The following MYH11 variants were observed in gnomAD, a reference collection of about 807,000 sequenced individuals.
MYH11 encodes myosin-11.
MYH11 carries 80 observed loss-of-function variants against 246.6 expected under a neutral mutation model. The observed-to-expected ratio is 0.32, with a 90% CI of 0.27 to 0.39. MYH11 has a LOEUF of 0.39. Ranked by LOEUF, MYH11 falls within the 10% of genes least tolerant of loss-of-function variation. The pLI, the probability that MYH11 is intolerant of heterozygous loss-of-function variation, is 1.00. For synonymous variants in MYH11, 1,071 were observed against 1,015.5 expected, an observed-to-expected ratio of 1.05 and a Z score of -1.04; for missense variants, 2,158 against 2,546.8, an observed-to-expected ratio of 0.85 and a Z score of 3.29.
At position 15,760,568 on chromosome 16, in the gene MYH11, A is replaced by G. The variant is rs886038993; in HGVS notation, c.1220T>C (p.Val407Ala). Residue 407 changes from valine to alanine, a missense_variant, in exon 11 of 41, where the codon GTG becomes GCG. By Grantham distance (64) the Val-to-Ala change is moderately conservative. Coordinates refer to ENST00000300036, the MANE Select transcript of MYH11 (RefSeq NM_002474.3). Reference sequence around the variant, plus strand: ...TTCTTTTGTCTGAGCTTTCTGTACCACATCTCGCCCAACCTTGATACGAGG... The same window carrying G: ...TTCTTTTGTCTGAGCTTTCTGTACCGCATCTCGCCCAACCTTGATACGAGG... Reference protein sequence around the residue: ...LTPRIKVGRDVVQKAQTKEQA... With the variant: ...LTPRIKVGRDAVQKAQTKEQA... 7.4e-6 allele frequency: 12 copies of G among 1,613,870 alleles called. No homozygotes were observed. Among genetic ancestry groups the G allele is most frequent in the African/African-American group, 1.3e-5 (1 of 75,064 alleles).
At chr16:15,708,676 C>G (rs1260059971) in intron 40 of MYH11, 1 of 983,986 alleles carries the variant, frequency 1.0e-6, no homozygotes, top group African/African-American at 1.6e-5. Flanking sequence ...TCCAAGCCTC[C>G]AGATTTTGCA....
At chr16:15,724,059 A>G (rs982918155) in intron 31 of MYH11, 102 bp downstream of exon 31, 31 of 1,579,112 alleles carry the variant, frequency 2.0e-5, no homozygotes, top group African/African-American at 1.1e-4. Context: ...CAGAGTGGAG[A>G]GGGGATGCAG....
intron 4 of MYH11, among the ~76,000 whole-genome samples, chr16:15,793,988 G>C (rs2042683045): frequency 7.7e-6 from 1 of 129,274 alleles, no homozygotes; most frequent in Middle Eastern, 5.2e-3. Context: ...CTGTCACCCA[G>C]GCTGGAGTGC....
chr16:15,800,147 G>A (rs959566735), intron 3 of MYH11, among the ~76,000 whole-genome samples: 4 of 151,800 alleles, frequency 2.6e-5, no homozygotes, highest in Non-Finnish European at 5.9e-5. Flanking sequence ...TGAGTAGATG[G>A]ATGGGAGGAT....
intron 27 of MYH11, among the ~76,000 whole-genome samples, chr16:15,732,194 C>G (rs574510822): frequency 7.2e-5 from 11 of 152,182 alleles, no homozygotes; most frequent in Admixed American, 3.3e-4. Flanking sequence ...AACTCCTGAC[C>G]TCAGGTGATC....
Position 15,716,410 on chromosome 16 carries a change from A to G in MYH11, c.5504+730T>C, listed in dbSNP as rs145760336. Among the ~76,000 whole-genome samples, 659 of 152,334 alleles carry G rather than the reference A, an allele frequency of 4.3e-3. 1 individual carries two copies. The highest frequency in any genetic ancestry group is 0.013 in the African/African-American group (558 of 41,578). ...AATGGGTGAGAATCCTTAGAATCCAATGGTAAGAAATGTGCTGTGATCATA... is the reference window on the plus strand; with the variant it reads ...AATGGGTGAGAATCCTTAGAATCCAGTGGTAAGAAATGTGCTGTGATCATA... On this transcript the variant is annotated intron_variant, in intron 38 of 40. Coordinates refer to ENST00000300036, the MANE Select transcript of MYH11 (RefSeq NM_002474.3).
chr16:15,795,172 A>T (rs2042714573), intron 4 of MYH11, among the ~76,000 whole-genome samples: 1 of 152,076 alleles, frequency 6.6e-6, no homozygotes, highest in African/African-American at 2.4e-5. Context: ...GCTGGGCATG[A>T]TGGCATAATA....
intron 1 of MYH11, among the ~76,000 whole-genome samples, chr16:15,845,726 A>G (rs1418345668): frequency 7.0e-6 from 1 of 142,600 alleles, no homozygotes; most frequent in Non-Finnish European, 1.6e-5. Context: ...GAGAGAGAAA[A>G]AGAAGGAGAG....
rs531846632 is a variant in MYH11 at position 15,719,491 on chromosome 16, C to A, written c.5082+94G>T. The A allele has an allele frequency of 1.4e-5, 22 of 1,589,154 alleles. No individual in the cohort carries two copies. In the South Asian group the frequency reaches 2.3e-4, roughly 17 times the overall value. On this transcript the variant is annotated intron_variant, in intron 35 of 40. Transcript: ENST00000300036. The stretch of plus-strand genomic sequence containing the variant: ...TAGACAGGTGGACCCCAGAGGAGGA[C>A]GAAATGAAATCTGGGAATGCACAGA...
intron 22 of MYH11, 37 bp from the exon 23 acceptor site, chr16:15,740,225 A>G: frequency 6.2e-7 from 1 of 1,613,732 alleles, no homozygotes; most frequent in South Asian, 1.1e-5. Flanking sequence ...AGCTTTGGTT[A>G]TAACAGATTT....
chr16:15,707,711 C>T (rs1051261625), intron 40 of MYH11, among the ~76,000 whole-genome samples: 6 of 152,176 alleles, frequency 3.9e-5, no homozygotes, highest in African/African-American at 1.4e-4. Flanking sequence ...GTTGGTCATG[C>T]TTGTAATCCC....
chr16:15,712,882 G>GTTTTTTTTTTTTTTTTTTTTTTTGTTTT, intron 40 of MYH11: 1 of 90,636 alleles, frequency 1.1e-5, no homozygotes, highest in Non-Finnish European at 2.3e-5. Context: ...TTCACATACA[G>GTTTTTTTTTTTTTTTTTTTTTTTGTTTT]TTTTTTTTTT....
At chr16:15,841,360 A>C (rs1407152534) in intron 1 of MYH11, among the ~76,000 whole-genome samples, 1 of 152,154 alleles carries the variant, frequency 6.6e-6, no homozygotes, top group African/African-American at 2.4e-5. Flanking sequence ...CTGGTCTCAA[A>C]CTCCTGACCT....
intron 10 of MYH11, among the ~76,000 whole-genome samples, chr16:15,762,540 C>G (rs547315122): frequency 6.6e-6 from 1 of 152,200 alleles, no homozygotes; most frequent in East Asian, 1.9e-4. Context: ...CCACCCAGAT[C>G]GAGAAACTGG....
At chr16:15,844,024 G>T (rs1445685910) in intron 1 of MYH11, among the ~76,000 whole-genome samples, 1 of 152,090 alleles carries the variant, frequency 6.6e-6, no homozygotes, top group Non-Finnish European at 1.5e-5. Flanking sequence ...GAGCTGACTA[G>T]ACATTATAAA....
chr16:15,710,380 G>A (rs933651587), intron 40 of MYH11, among the ~76,000 whole-genome samples: 7 of 152,166 alleles, frequency 4.6e-5, no homozygotes, highest in Non-Finnish European at 7.3e-5. Context: ...AATTAGCCAG[G>A]TGTGGTGGCA....
intron 20 of MYH11, among the ~76,000 whole-genome samples, chr16:15,744,014 T>C (rs1385934173): frequency 6.6e-6 from 1 of 152,014 alleles, no homozygotes; most frequent in African/African-American, 2.4e-5. Flanking sequence ...CTCATGCCTG[T>C]AATCCCAGCA....
At chr16:15,732,950 A>T in intron 26 of MYH11, 1 of 586,394 alleles carries the variant, frequency 1.7e-6, no homozygotes, top group East Asian at 2.9e-5. Flanking sequence ...AAATACACAA[A>T]GTAATAGAAT....
intron 31 of MYH11, among the ~76,000 whole-genome samples, chr16:15,722,692 G>A (rs1057277676): frequency 6.6e-6 from 1 of 152,210 alleles, no homozygotes; most frequent in Non-Finnish European, 1.5e-5. Context: ...CAGTCAGGGA[G>A]GGGTAGGGAA....
Sources: allele counts gnomAD v4.1 joint callset (sites outside exome capture counted in the v4.1 genomes callset), GRCh38; gene constraint gnomAD v4.1.1; transcripts MANE v1.5; gene names NCBI Gene and HGNC (gene_info 2026-07-23, HGNC 2026-07-21).